The following CHD6 variants were observed in gnomAD, a reference collection of about 807,000 sequenced individuals.
CHD6 encodes the protein chromodomain helicase DNA binding protein 6, also known as ATP-dependent chromatin remodeler CHD6.
In CHD6, 50 loss-of-function variants were observed where a neutral mutation model predicts 276.9. The observed-to-expected ratio is 0.18, with a 90% CI of 0.14 to 0.23. CHD6 has a LOEUF of 0.23. CHD6 is among the 10% of genes least tolerant of loss of function. CHD6 has a pLI of 1.00. For synonymous variants in CHD6, 1,173 were observed against 1,229.3 expected (o/e 0.95, Z 0.96); for missense variants, 2,564 against 3,365.8 (o/e 0.76, Z 5.89).
intron 1 of CHD6, among the ~76,000 whole-genome samples, chr20:41,572,861 T>C (rs2045433252): frequency 6.6e-6 from 1 of 152,142 alleles, no homozygotes; most frequent in South Asian, 2.1e-4. Flanking sequence ...TCAACTTTAA[T>C]AACTAGGAGA....
chr20:41,425,338 C>T lies in CHD6; in HGVS notation c.4186G>A (p.Ala1396Thr), dbSNP rs543185328. 6.2e-7 allele frequency: 1 copy of T among 1,614,088 alleles called. No homozygotes were observed. The highest frequency in any genetic ancestry group is 1.7e-5 in the Admixed American group (1 of 60,012). ...SPWPVSSALTARLRRLVTVYQ... is the reference protein window; with the variant it reads ...SPWPVSSALTTRLRRLVTVYQ... ...ACAGTGACCAGACGTCTGAGACGAG[C>T]TGTGAGGGCGGAGGAAACTGGCCAG... The change falls in exon 29 of 37, where the codon GCT (alanine) becomes ACT (threonine). Residue 1396 changes from alanine to threonine, a missense_variant. By Grantham distance (58) the Ala-to-Thr change is moderately conservative. Transcript: ENST00000373233.
At chr20:41,435,593 G>C (rs1312322752) in intron 27 of CHD6, among the ~76,000 whole-genome samples, 1 of 132,766 alleles carries the variant, frequency 7.5e-6, no homozygotes, top group Non-Finnish European at 1.5e-5. Context: ...GAAAGAGTGA[G>C]ACCCTGAGTC....
At chr20:41,498,996 TCTC>T (rs749648271) in intron 6 of CHD6, among the ~76,000 whole-genome samples, 6 of 152,212 alleles carry the variant, frequency 3.9e-5, no homozygotes, top group Admixed American at 1.3e-4. Flanking sequence ...TTTTTGTCCA[TCTC>T]TTCTTCTTGG....
In CHD6 at chr20:41,440,548, T is replaced by C. The variant is rs141379222; in HGVS notation, c.3878-419A>G. 7.2e-5 allele frequency among the ~76,000 whole-genome samples: 11 copies of C among 152,300 alleles called. No individual in the cohort carries two copies. In the East Asian group the frequency reaches 1.7e-3, roughly 24 times the overall value. On this transcript the variant is annotated intron_variant, in intron 25 of 36. Coordinates refer to ENST00000373233, the MANE Select transcript of CHD6 (RefSeq NM_032221.5). ...AGGTGAACATGATGGATGGCAGGACTGAAATATAAAGAGAACTACGATGAT... is the reference window on the plus strand; with the variant it reads ...AGGTGAACATGATGGATGGCAGGACCGAAATATAAAGAGAACTACGATGAT...
At position 41,404,073 on chromosome 20, in the gene CHD6, T is replaced by C. The variant is rs1459381108; in HGVS notation, c.*520A>G. On this transcript the variant is annotated 3_prime_UTR_variant, in exon 37 of 37. Coordinates refer to ENST00000373233, the MANE Select transcript of CHD6 (RefSeq NM_032221.5). ...ATTAGTTATATACTTCTGTCTATACTACTCACTTAGTAATCATGATAAAAT... is the reference window on the plus strand; with the variant it reads ...ATTAGTTATATACTTCTGTCTATACCACTCACTTAGTAATCATGATAAAAT... 13 of 1,047,274 alleles carry C rather than the reference T, an allele frequency of 1.2e-5. No individual in the cohort carries two copies. The highest frequency in any genetic ancestry group is 1.5e-5 in the Non-Finnish European group (13 of 866,930). 64.9% of individuals were successfully genotyped at this position (1,047,274 alleles called of 1,614,324 possible). A position where few individuals can be genotyped will look rare whatever the true frequency, so the allele number is the denominator to read the frequency against.
At chr20:41,592,374 C>T (rs2045672379) in intron 1 of CHD6, among the ~76,000 whole-genome samples, 1 of 152,102 alleles carries the variant, frequency 6.6e-6, no homozygotes, top group Non-Finnish European at 1.5e-5. Context: ...GGAAAGTTAA[C>T]ACATTTAATT....
intron 36 of CHD6, among the ~76,000 whole-genome samples, chr20:41,407,097 C>T (rs1434852573): frequency 1.3e-5 from 2 of 152,198 alleles, no homozygotes; most frequent in African/African-American, 2.4e-5. Flanking sequence ...GCGCAGCCTA[C>T]GGAGCAGCAT....
chr20:41,417,083 G>A (rs1326749160), intron 32 of CHD6, 115 bp downstream of exon 32: 2 of 952,314 alleles, frequency 2.1e-6, no homozygotes, highest in Non-Finnish European at 3.2e-6. Flanking sequence ...ATCTTTTAAA[G>A]GTATTAAACA....
chr20:41,535,405 T>C (rs4812522), intron 2 of CHD6, among the ~76,000 whole-genome samples: 69,278 of 152,080 alleles, frequency 0.46, 17,196 homozygotes, highest in African/African-American at 0.66. Context: ...GTGATGTTAA[T>C]TGATATGCCC....
intron 25 of CHD6, among the ~76,000 whole-genome samples, chr20:41,443,642 T>A (rs1195265592): frequency 6.6e-6 from 1 of 152,184 alleles, no homozygotes; most frequent in African/African-American, 2.4e-5. Context: ...CCTCTAAGTC[T>A]CATCTTCTCT....
At chr20:41,591,405 CACATATATATAT>C (rs1568721993) in intron 1 of CHD6, among the ~76,000 whole-genome samples, 1 of 124,904 alleles carries the variant, frequency 8.0e-6, no homozygotes, top group African/African-American at 3.2e-5. Context: ...CACACACACA[CACATATATATAT>C]ACATATATAT....
chr20:41,526,167 C>G (rs541849326), intron 3 of CHD6, among the ~76,000 whole-genome samples: 1 of 152,104 alleles, frequency 6.6e-6, no homozygotes, highest in South Asian at 2.1e-4. Context: ...AAACAAAAAC[C>G]CCAGAAATAA....
At chr20:41,476,810 G>T (rs1022621428) in intron 16 of CHD6, among the ~76,000 whole-genome samples, 5 of 141,740 alleles carry the variant, frequency 3.5e-5, no homozygotes, top group African/African-American at 7.8e-5. Context: ...GAAAGAAAAA[G>T]AAAAAAAAAA....
chr20:41,506,139 AC>A (rs547655282), intron 5 of CHD6, among the ~76,000 whole-genome samples: 42 of 151,916 alleles, frequency 2.8e-4, no homozygotes, highest in Non-Finnish European at 5.3e-4. Flanking sequence ...TTCATTTCTC[AC>A]CCAGATTATT....
intron 4 of CHD6, 94 bp from the exon 5 acceptor site, chr20:41,513,089 G>A (rs1249370873): frequency 3.0e-6 from 4 of 1,350,484 alleles, no homozygotes; most frequent in Non-Finnish European, 4.2e-6. Context: ...AACATGCCAA[G>A]GAGTGCTTTC....
At chr20:41,517,538 T>C (rs1335580523) in intron 3 of CHD6, among the ~76,000 whole-genome samples, 4 of 152,212 alleles carry the variant, frequency 2.6e-5, no homozygotes, top group African/African-American at 9.6e-5. Flanking sequence ...CTTGTACCCT[T>C]AAGCAGGGGA....
intron 3 of CHD6, among the ~76,000 whole-genome samples, chr20:41,530,273 C>G (rs1413612943): frequency 6.6e-6 from 1 of 152,184 alleles, no homozygotes; most frequent in Non-Finnish European, 1.5e-5. Context: ...TTACCACCAC[C>G]ACCACCACTG....
intron 1 of CHD6, among the ~76,000 whole-genome samples, chr20:41,554,184 C>A (rs1354620288): frequency 1.3e-5 from 2 of 152,006 alleles, no homozygotes; most frequent in African/African-American, 4.8e-5. Context: ...AAAACTCTAC[C>A]AATGTTAATA....
intron 1 of CHD6, among the ~76,000 whole-genome samples, chr20:41,592,233 G>C (rs6065378): frequency 0.38 from 58,450 of 152,008 alleles, 13,994 homozygotes; most frequent in African/African-American, 0.66. Context: ...AAAAACTTTT[G>C]TAAGTGGTAT....
Sources: allele counts gnomAD v4.1 joint callset (sites outside exome capture counted in the v4.1 genomes callset), GRCh38; gene constraint gnomAD v4.1.1; transcripts MANE v1.5; gene names NCBI Gene and HGNC (gene_info 2026-07-23, HGNC 2026-07-21).